The following SHC4 variants were observed in gnomAD, a reference collection of about 807,000 sequenced individuals.
SHC4 encodes SHC adaptor protein 4, also known as SHC-transforming protein 4.
In SHC4, 41 loss-of-function variants were observed where a neutral mutation model predicts 69.4. That is an observed-to-expected ratio of 0.59 (90% CI 0.46 to 0.77). The LOEUF is 0.77. SHC4 is among the 30% of genes least tolerant of loss of function. The pLI is 0.00. For synonymous variants in SHC4, 318 were observed against 299.3 expected (o/e 1.06, Z -0.64); for missense variants, 777 against 783.8 (o/e 0.99, Z 0.10).
chr15:48,842,883 A>T (rs1160205604), intron 10 of SHC4, among the ~76,000 whole-genome samples: 3 of 152,108 alleles, frequency 2.0e-5, no homozygotes, highest in African/African-American at 7.2e-5. Context: ...GTGACCCGTG[A>T]TCATGCCACT....
At chr15:48,828,107 GTGTGTGTGTATA>G (rs1392450131) in intron 11 of SHC4, among the ~76,000 whole-genome samples, 2 of 51,200 alleles carry the variant, frequency 3.9e-5, no homozygotes, top group Non-Finnish European at 1.1e-4. Flanking sequence ...GTGTGTGTGT[GTGTGTGTGTATA>G]TATATATATA....
chr15:48,962,557 G>C lies in SHC4; in HGVS notation c.459C>G (p.His153Gln). ...AATCAGGGGTTAGGGCGGTTGCCCT[G>C]TGTCCCACCAGGTCCTGCTGCGGTG... Reference protein sequence around the residue: ...APPPQQDLVGHRATALTPDSC... With the variant: ...APPPQQDLVGQRATALTPDSC... The change falls in exon 1 of 12, where the codon CAC becomes CAG. Residue 153 changes from histidine (H) to glutamine (Q), a missense_variant. By Grantham distance (24) the His-to-Gln change is conservative. Coordinates refer to ENST00000332408, the MANE Select transcript of SHC4 (RefSeq NM_203349.4). 6.2e-7 allele frequency: 1 copy of C among 1,610,330 alleles called. No individual in the cohort carries two copies. Among genetic ancestry groups the C allele is most frequent in the Non-Finnish European group, 8.5e-7 (1 of 1,177,790 alleles).
chr15:48,939,935 A>G (rs1901144191), intron 1 of SHC4, among the ~76,000 whole-genome samples: 1 of 152,234 alleles, frequency 6.6e-6, no homozygotes, highest in South Asian at 2.1e-4. Flanking sequence ...TAGGCCTGCC[A>G]TTGGAAGCCC....
intron 1 of SHC4, among the ~76,000 whole-genome samples, chr15:48,952,875 A>G (rs1022139743): frequency 6.6e-6 from 1 of 152,220 alleles, no homozygotes; most frequent in African/African-American, 2.4e-5. Context: ...TCAAAGATCT[A>G]AAGACAGAAA....
chr15:48,955,390 T>C (rs1901433151), intron 1 of SHC4, among the ~76,000 whole-genome samples: 1 of 152,124 alleles, frequency 6.6e-6, no homozygotes, highest in African/African-American at 2.4e-5. Flanking sequence ...GATGGAACTG[T>C]CATATTGGGG....
At chr15:48,894,876 C>T (rs1900195866) in intron 2 of SHC4, among the ~76,000 whole-genome samples, 2 of 152,080 alleles carry the variant, frequency 1.3e-5, no homozygotes. Context: ...GCCTCAACCT[C>T]CTTGGGTTCA....
intron 2 of SHC4, among the ~76,000 whole-genome samples, chr15:48,918,298 T>C (rs995732512): frequency 1.3e-5 from 2 of 152,150 alleles, no homozygotes; most frequent in African/African-American, 4.8e-5. Context: ...TTGATTTGAG[T>C]GTGGTGTCCA....
chr15:48,948,899 T>C (rs1056891054), intron 1 of SHC4, among the ~76,000 whole-genome samples: 1 of 151,798 alleles, frequency 6.6e-6, no homozygotes, highest in Non-Finnish European at 1.5e-5. Flanking sequence ...GAGCGAGACC[T>C]TGTCTCAAAA....
rs1339645749 is a variant in SHC4, at chr15:48,884,264, TTCATCAATGTGAGACTGCA to T, written c.805_823del (p.Cys269IlefsTer33). 1.9e-6 allele frequency: 3 copies of T among 1,599,360 alleles called. No homozygotes were observed. The highest frequency in any genetic ancestry group is 2.6e-6 in the Non-Finnish European group (3 of 1,175,882). Reference sequence around the variant, plus strand: ...TGATCTTACCTGTTGGTTGTCAAGATTCATCAATGTGAGACTGCATGTTGAGATGGTCAGTTTTATATTC... The same window carrying T: ...TGATCTTACCTGTTGGTTGTCAAGATTGTTGAGATGGTCAGTTTTATATTC... On this transcript the variant is annotated frameshift_variant, in exon 4 of 12. Transcript: ENST00000332408. LOFTEE classifies it high-confidence loss of function.
chr15:48,949,110 G>A (rs575292011), intron 1 of SHC4, among the ~76,000 whole-genome samples: 1 of 152,220 alleles, frequency 6.6e-6, no homozygotes, highest in East Asian at 1.9e-4. Flanking sequence ...GGTGGCTCAC[G>A]CCTGTAATCC....
At chr15:48,837,557 T>C (rs939146403) in intron 10 of SHC4, among the ~76,000 whole-genome samples, 1 of 152,120 alleles carries the variant, frequency 6.6e-6, no homozygotes, top group African/African-American at 2.4e-5. Flanking sequence ...TGGTTATTTA[T>C]ATATAATTTA....
chr15:48,856,048 G>T lies in SHC4; in HGVS notation c.1147C>A (p.Pro383Thr). The change falls in exon 8 of 12, where the codon CCA becomes ACA. Residue 383 changes from proline to threonine, a missense_variant. Coordinates refer to ENST00000332408, the MANE Select transcript of SHC4 (RefSeq NM_203349.4). ...EYYNEIPGKQ[P>T]PVGGVSDMRI... ...ATATCTGAAACACCACCTACTGGTG[G>T]CTGCTTCCCTGGAATTTCATTGTAA... The T allele has an allele frequency of 6.2e-7, 1 of 1,613,862 alleles. No individual in the cohort carries two copies. The highest frequency in any genetic ancestry group is 8.5e-7 in the Non-Finnish European group (1 of 1,179,866).
intron 4 of SHC4, among the ~76,000 whole-genome samples, chr15:48,875,845 T>C (rs1295400440): frequency 6.6e-6 from 1 of 152,226 alleles, no homozygotes; most frequent in Non-Finnish European, 1.5e-5. Flanking sequence ...AGAGAAATGA[T>C]GGCTAGTCAG....
intron 2 of SHC4, among the ~76,000 whole-genome samples, chr15:48,923,787 G>T (rs1012442380): frequency 6.6e-6 from 1 of 151,750 alleles, no homozygotes; most frequent in Admixed American, 6.6e-5. Flanking sequence ...CTACTGGCAT[G>T]TGCTACCGTG....
At chr15:48,948,309 T>C (rs764877254) in intron 1 of SHC4, among the ~76,000 whole-genome samples, 3 of 152,216 alleles carry the variant, frequency 2.0e-5, no homozygotes, top group Non-Finnish European at 4.4e-5. Context: ...ATTAAAGCTA[T>C]ACAACAAAGC....
At chr15:48,893,777 A>G (rs373009222) in intron 2 of SHC4, among the ~76,000 whole-genome samples, 5 of 152,352 alleles carry the variant, frequency 3.3e-5, no homozygotes, top group East Asian at 3.9e-4. Context: ...GTATTAATAC[A>G]ATCTGAGAGT....
chr15:48,836,289 T>C (rs982717073), intron 10 of SHC4, among the ~76,000 whole-genome samples: 3 of 152,150 alleles, frequency 2.0e-5, no homozygotes, highest in African/African-American at 7.2e-5. Flanking sequence ...AAGCCTAGAT[T>C]CTTAATTACT....
At chr15:48,920,209 G>C (rs1257004831) in intron 2 of SHC4, among the ~76,000 whole-genome samples, 2 of 151,080 alleles carry the variant, frequency 1.3e-5, no homozygotes, top group Non-Finnish European at 2.9e-5. Flanking sequence ...TTTTAGTAGA[G>C]ATGGGGTTTC....
At chr15:48,921,304 G>A (rs1481937009) in intron 2 of SHC4, among the ~76,000 whole-genome samples, 3 of 151,342 alleles carry the variant, frequency 2.0e-5, no homozygotes, top group Non-Finnish European at 4.4e-5. Flanking sequence ...CCAGGGGCTG[G>A]GGAGGAAGAG....
Sources: gnomAD v4.1 joint callset for allele counts (sites outside exome capture counted in the v4.1 genomes callset) on GRCh38, gnomAD v4.1.1 for gene constraint, MANE v1.5 for transcripts, NCBI Gene and HGNC (gene_info 2026-07-23, HGNC 2026-07-21) for gene names.